The following RGS7 variants were observed in gnomAD, a reference collection of about 807,000 sequenced individuals.
RGS7 encodes regulator of G protein signaling 7.
Under a neutral mutation model 81.1 loss-of-function variants are expected in RGS7, and 27 were observed. The observed-to-expected ratio is 0.33, with a 90% CI of 0.25 to 0.46. The LOEUF (loss-of-function observed/expected upper bound fraction) is 0.46, where lower values mean the gene tolerates loss of function less well. RGS7 is among the 20% of genes least tolerant of loss of function. The pLI is 1.00. For synonymous variants in RGS7, 208 were observed against 207.7 expected, an observed-to-expected ratio of 1.00 and a Z score of -0.01; for missense variants, 396 against 607.4, an observed-to-expected ratio of 0.65 and a Z score of 3.66.
intron 3 of RGS7, among the ~76,000 whole-genome samples, chr1:240,988,639 C>A (rs1686011080): frequency 1.3e-5 from 2 of 152,152 alleles, no homozygotes; most frequent in Admixed American, 6.5e-5. Flanking sequence ...GATTGCACAG[C>A]CATTGTCACA....
intron 16 of RGS7, among the ~76,000 whole-genome samples, chr1:240,801,850 T>C (rs949652667): frequency 2.6e-5 from 4 of 152,170 alleles, no homozygotes; most frequent in Admixed American, 6.6e-5. Context: ...TCCTCAGAAT[T>C]TCCTCAAAAC....
chr1:241,239,438 C>T (rs2076161822), intron 2 of RGS7, among the ~76,000 whole-genome samples: 1 of 152,164 alleles, frequency 6.6e-6, no homozygotes, highest in Admixed American at 6.5e-5. Context: ...AATCACAAAT[C>T]TCATCATGTC....
At chr1:241,327,032 A>AGGGAGTGAGGGAGGGAGGGAGGG (rs1558320484) in intron 2 of RGS7, among the ~76,000 whole-genome samples, 1 of 2,658 alleles carries the variant, frequency 3.8e-4, no homozygotes. Context: ...GGAAGGAAGG[A>AGGGAGTGAGGGAGGGAGGGAGGG]AGGAAGGGAG....
intron 2 of RGS7, among the ~76,000 whole-genome samples, chr1:241,162,560 A>T (rs2069813947): frequency 6.6e-6 from 1 of 152,138 alleles, no homozygotes; most frequent in Admixed American, 6.6e-5. Flanking sequence ...TCCTCTGGCA[A>T]GTGTATTTTG....
In RGS7 at chr1:240,921,461, A is replaced by AT. The variant is rs373599486; in HGVS notation, c.385+9255dup. Among the ~76,000 whole-genome samples, 92 of 152,226 alleles carry AT rather than the reference A, an allele frequency of 6.0e-4. No individual in the cohort carries two copies. The East Asian group carries it at 0.015, about 25-fold the overall frequency. On this transcript the variant is annotated intron_variant, in intron 6 of 18. Coordinates refer to ENST00000440928, the MANE Select transcript of RGS7 (RefSeq NM_001364886.1). ...AAGACAAGAAAAAGAAAAAAAGGGTATATAGTTTGATAAGGATGAAATAAA... is the reference window on the plus strand; with the variant it reads ...AAGACAAGAAAAAGAAAAAAAGGGTATTATAGTTTGATAAGGATGAAATAAA...
At chr1:241,178,796 T>C (rs1322384408) in intron 2 of RGS7, among the ~76,000 whole-genome samples, 3 of 152,242 alleles carry the variant, frequency 2.0e-5, no homozygotes, top group Admixed American at 2.0e-4. Context: ...TCAGTTTATT[T>C]ACTCAAGATG....
At chr1:240,963,852 T>C (rs1681863598) in intron 4 of RGS7, among the ~76,000 whole-genome samples, 1 of 151,948 alleles carries the variant, frequency 6.6e-6, no homozygotes, top group African/African-American at 2.4e-5. Context: ...AAAAGTGAAA[T>C]ATAAGAATGA....
chr1:240,977,109 C>CAA (rs2148534459), intron 4 of RGS7, among the ~76,000 whole-genome samples: 1 of 149,836 alleles, frequency 6.7e-6, no homozygotes, highest in African/African-American at 2.4e-5. Context: ...CACACACACA[C>CAA]ACACACACAC....
At chr1:240,987,912 G>C (rs1685912191) in intron 3 of RGS7, among the ~76,000 whole-genome samples, 2 of 152,206 alleles carry the variant, frequency 1.3e-5, no homozygotes, top group East Asian at 1.9e-4. Context: ...TTTGTTCCTT[G>C]AAGTAGGCAC....
intron 3 of RGS7, among the ~76,000 whole-genome samples, chr1:240,991,606 T>G (rs1031339035): frequency 2.0e-5 from 3 of 152,232 alleles, no homozygotes; most frequent in Admixed American, 1.3e-4. Context: ...AAGAGAAGAC[T>G]AAGTCCGCAG....
chr1:241,077,499 T>C (rs1558683174), intron 3 of RGS7, among the ~76,000 whole-genome samples: 1 of 152,178 alleles, frequency 6.6e-6, no homozygotes, highest in Non-Finnish European at 1.5e-5. Context: ...GATCTCTTTG[T>C]TCCTCTCTCT....
At chr1:241,182,985 C>T (rs979069775) in intron 2 of RGS7, among the ~76,000 whole-genome samples, 2 of 151,008 alleles carry the variant, frequency 1.3e-5, no homozygotes, top group African/African-American at 4.9e-5. Flanking sequence ...AAAATGCATA[C>T]ATACCGTGCT....
chr1:241,003,902 C>T lies in RGS7; in HGVS notation c.176-20773G>A, dbSNP rs551004673. ...TAGCTGGGATTACAGGCATGTGCCA[C>T]CATGCCCAGCCAATTTTGCATTTTT... On this transcript the variant is annotated intron_variant, in intron 3 of 18. Transcript: ENST00000440928. 3.9e-5 allele frequency among the ~76,000 whole-genome samples: 6 copies of T among 152,264 alleles called. No homozygotes were observed. In the South Asian group the frequency reaches 1.2e-3, roughly 32 times the overall value.
At chr1:240,792,285 C>A (rs1313712914) in intron 18 of RGS7, among the ~76,000 whole-genome samples, 2 of 152,140 alleles carry the variant, frequency 1.3e-5, no homozygotes, top group Non-Finnish European at 2.9e-5. Context: ...TCCTTCATTT[C>A]TTCTATTTTG....
intron 5 of RGS7, 59 bp from the exon 6 acceptor site, chr1:240,930,827 TG>T (rs1368355590): frequency 2.0e-6 from 3 of 1,493,622 alleles, no homozygotes; most frequent in Non-Finnish European, 2.8e-6. Flanking sequence ...GTGGAGTTTC[TG>T]GCCAGTGAAT....
intron 6 of RGS7, among the ~76,000 whole-genome samples, chr1:240,894,100 T>A (rs1314520265): frequency 6.6e-6 from 1 of 152,212 alleles, no homozygotes; most frequent in Non-Finnish European, 1.5e-5. Context: ...TACCTGATAT[T>A]TTCTCTCAGT....
At chr1:241,086,656 C>T (rs2063469024) in intron 3 of RGS7, among the ~76,000 whole-genome samples, 1 of 151,810 alleles carries the variant, frequency 6.6e-6, no homozygotes, top group African/African-American at 2.4e-5. Context: ...AAAAGAAAAA[C>T]AAATACTGCT....
intron 4 of RGS7, among the ~76,000 whole-genome samples, chr1:240,957,701 G>A (rs1680672472): frequency 6.6e-6 from 1 of 152,146 alleles, no homozygotes; most frequent in African/African-American, 2.4e-5. Context: ...TACCAATATT[G>A]GTTCATTGGT....
chr1:240,932,941 T>G (rs529450488), intron 5 of RGS7, among the ~76,000 whole-genome samples: 30 of 131,420 alleles, frequency 2.3e-4, no homozygotes, highest in South Asian at 7.5e-4. Context: ...TGGACTGCAG[T>G]GGCGCGATCT....
Sources: allele counts gnomAD v4.1 joint callset (sites outside exome capture counted in the v4.1 genomes callset), GRCh38; gene constraint gnomAD v4.1.1; transcripts MANE v1.5; gene names NCBI Gene and HGNC (gene_info 2026-07-23, HGNC 2026-07-21).